TRAPPC9: variants seen among roughly 807,000 people sequenced by gnomAD.
TRAPPC9 encodes IKK2 binding protein.
A neutral mutation model predicts 124.0 loss-of-function variants in TRAPPC9; 83 were observed. The observed-to-expected ratio is 0.67, with a 90% CI of 0.56 to 0.80. TRAPPC9 has a LOEUF of 0.80. Ranked by LOEUF, TRAPPC9 falls within the 30% of genes least tolerant of loss-of-function variation. TRAPPC9 has a pLI of 0.00. For synonymous variants in TRAPPC9, 638 were observed against 617.5 expected (o/e 1.03, Z -0.49); for missense variants, 1,302 against 1,508.3 (o/e 0.86, Z 2.27).
intron 17 of TRAPPC9, among the ~76,000 whole-genome samples, chr8:140,174,735 T>C (rs1421136795): frequency 6.6e-6 from 1 of 152,216 alleles, no homozygotes; most frequent in African/African-American, 2.4e-5. Flanking sequence ...TGTCAAAGCA[T>C]GGATCAGTAC....
intron 9 of TRAPPC9, among the ~76,000 whole-genome samples, chr8:140,349,185 AG>A (rs2067447763): frequency 1.1e-5 from 1 of 92,100 alleles, no homozygotes; most frequent in Non-Finnish European, 2.1e-5. Context: ...AGGACACACC[AG>A]GGGGCCGAAG....
chr8:139,934,292 G>A (rs2131401548), intron 19 of TRAPPC9, among the ~76,000 whole-genome samples: 1 of 152,276 alleles, frequency 6.6e-6, no homozygotes, highest in South Asian at 2.1e-4. Context: ...GAGAGAGAGA[G>A]AGAGAGAGAG....
rs2063854661 is a variant in TRAPPC9 at position 140,241,488 on chromosome 8, G to GCCA, written c.2431+11288_2431+11289insTGG. On this transcript the variant is annotated intron_variant, in intron 16 of 22. Transcript: ENST00000438773. This position sits in a 1 kb window ranked among gnomAD's most constrained non-coding sequence, Gnocchi z 5.0. ...GAGGTGGGTGAATCATGAGGTGAAG[G>GCCA]GATCAAGACTATCCTGGCCAACATG... Among the ~76,000 whole-genome samples, 1 of 144,640 alleles carries GCCA rather than the reference G, an allele frequency of 6.9e-6. No homozygotes were observed. Among genetic ancestry groups the GCCA allele is most frequent in the Non-Finnish European group, 1.5e-5 (1 of 65,876 alleles). The allele number at this position is 144,640 out of a possible 152,430, so 94.9% of individuals were successfully genotyped here.
chr8:139,846,807 G>C (rs1277636438), intron 21 of TRAPPC9, among the ~76,000 whole-genome samples: 2 of 152,228 alleles, frequency 1.3e-5, no homozygotes, highest in African/African-American at 4.8e-5. Flanking sequence ...CCACCATGCT[G>C]TCTGTGGAGG....
chr8:139,957,176 G>A (rs956044951), intron 19 of TRAPPC9, among the ~76,000 whole-genome samples: 43 of 152,236 alleles, frequency 2.8e-4, no homozygotes, highest in African/African-American at 9.6e-4. Flanking sequence ...ACCCTAGTCC[G>A]GAAGCTTGGG....
rs141493717 is a variant in TRAPPC9 at position 140,431,063 on chromosome 8, A to G, written c.859+4049T>C. On this transcript the variant is annotated intron_variant, in intron 4 of 22. Transcript: ENST00000438773. ...TTATTGGGCCCCTTTAAGCCCCAAC[A>G]TATACTAATCCACAAATAATTCTGT... 4.7e-3 allele frequency among the ~76,000 whole-genome samples: 717 copies of G among 152,322 alleles called. 11 individuals carry two copies. Among genetic ancestry groups the G allele is most frequent in the African/African-American group, 0.017 (696 of 41,560 alleles).
At chr8:140,030,788 T>C (rs908346303) in intron 17 of TRAPPC9, among the ~76,000 whole-genome samples, 2 of 152,212 alleles carry the variant, frequency 1.3e-5, no homozygotes, top group African/African-American at 4.8e-5. Flanking sequence ...TGTATGTATA[T>C]GAGATACTAG....
At chr8:139,836,665 AT>A (rs1826378049) in intron 21 of TRAPPC9, among the ~76,000 whole-genome samples, 1 of 152,228 alleles carries the variant, frequency 6.6e-6, no homozygotes, top group African/African-American at 2.4e-5. Context: ...CCCGAGAGTC[AT>A]TTGGGACATT....
At chr8:140,304,527 GC>G (rs1277013537) in intron 10 of TRAPPC9, among the ~76,000 whole-genome samples, 1 of 152,146 alleles carries the variant, frequency 6.6e-6, no homozygotes, top group Admixed American at 6.5e-5. Context: ...CATAGCTACT[GC>G]CCAGGCCTTC....
intron 17 of TRAPPC9, chr8:140,094,884 C>T (rs934572304): frequency 6.6e-6 from 1 of 152,242 alleles, no homozygotes; most frequent in African/African-American, 2.4e-5. Context: ...GAGCACAGCA[C>T]ATGAGGATGT....
chr8:139,754,278 G>T (rs1173248355), intron 21 of TRAPPC9, among the ~76,000 whole-genome samples: 1 of 152,160 alleles, frequency 6.6e-6, no homozygotes, highest in African/African-American at 2.4e-5. Flanking sequence ...CCCTTTGACT[G>T]CCTGGTCTCA....
chr8:140,357,976 A>G (rs1204112796), intron 9 of TRAPPC9, among the ~76,000 whole-genome samples: 1 of 152,186 alleles, frequency 6.6e-6, no homozygotes, highest in African/African-American at 2.4e-5. Flanking sequence ...CTCAACAGAA[A>G]ACAACAGCTA....
intron 17 of TRAPPC9, among the ~76,000 whole-genome samples, chr8:140,151,649 GTA>G (rs2061545503): frequency 6.6e-6 from 1 of 152,144 alleles, no homozygotes; most frequent in South Asian, 2.1e-4. Flanking sequence ...GACTCTCCAT[GTA>G]AGATCACATT....
chr8:139,819,772 G>A (rs531534297), intron 21 of TRAPPC9, among the ~76,000 whole-genome samples: 42 of 152,106 alleles, frequency 2.8e-4, no homozygotes, highest in Admixed American at 4.6e-4. Context: ...CCAATACTTT[G>A]GGAAGCCGAG....
chr8:139,851,520 C>A (rs563936008), intron 21 of TRAPPC9, among the ~76,000 whole-genome samples: 1 of 152,118 alleles, frequency 6.6e-6, no homozygotes, highest in Non-Finnish European at 1.5e-5. Flanking sequence ...CTATTTCAAA[C>A]GGGGATGAAC....
At chr8:139,758,369 C>T (rs373969174) in intron 21 of TRAPPC9, among the ~76,000 whole-genome samples, 1 of 152,226 alleles carries the variant, frequency 6.6e-6, no homozygotes, top group East Asian at 1.9e-4. Context: ...TCCTGTCTAT[C>T]TTGCAAAGGA....
intron 17 of TRAPPC9, among the ~76,000 whole-genome samples, chr8:140,048,933 G>C (rs1010879797): frequency 6.6e-6 from 1 of 152,088 alleles, no homozygotes; most frequent in South Asian, 2.1e-4. Context: ...TTATACCCTC[G>C]GTGCCCGGAA....
chr8:139,813,432 C>A (rs1021224920), intron 21 of TRAPPC9, among the ~76,000 whole-genome samples: 2 of 152,232 alleles, frequency 1.3e-5, no homozygotes, highest in Non-Finnish European at 2.9e-5. Context: ...GGAGAGAAGG[C>A]ACCTTCTGGA....
intron 18 of TRAPPC9, among the ~76,000 whole-genome samples, chr8:140,008,186 T>C (rs1838884434): frequency 6.6e-6 from 1 of 152,234 alleles, no homozygotes; most frequent in Non-Finnish European, 1.5e-5. Flanking sequence ...ATACATTGAA[T>C]TGTTAAGTTC....
Sources: gnomAD v4.1 joint callset for allele counts (sites outside exome capture counted in the v4.1 genomes callset) on GRCh38, gnomAD v4.1.1 for gene constraint, Gnocchi (gnomAD v3.1) non-coding constraint, MANE v1.5 for transcripts, NCBI Gene and HGNC (gene_info 2026-07-23, HGNC 2026-07-21) for gene names.